RAP1B: variants seen among roughly 807,000 people sequenced by gnomAD.
The protein encoded by RAP1B is ras-related protein Rap-1b.
Under a neutral mutation model 27.5 loss-of-function variants are expected in RAP1B, and 1 was observed. That is an observed-to-expected ratio of 0.04 (90% CI 0.01 to 0.17). The LOEUF is 0.17. Ranked by LOEUF, RAP1B falls within the 10% of genes least tolerant of loss-of-function variation. The probability of loss-of-function intolerance (pLI) is 1.00; values close to 1 mark genes in which losing one functional copy is unlikely to be tolerated. For synonymous variants in RAP1B, 75 were observed against 73.1 expected (o/e 1.03, Z -0.13); for missense variants, 84 against 214.8 (o/e 0.39, Z 3.81).
At chr12:68,632,702 T>A (rs1872353730) in intron 1 of RAP1B, among the ~76,000 whole-genome samples, 1 of 152,086 alleles carries the variant, frequency 6.6e-6, no homozygotes, top group Non-Finnish European at 1.5e-5. Flanking sequence ...ATGGTGGCAG[T>A]GGTTTGACCA....
In RAP1B at chr12:68,666,690, G is replaced by A. The variant is rs1874868715; in HGVS notation, c.*7441G>A. 6.6e-6 allele frequency: 1 copy of A among 152,218 alleles called. No homozygotes were observed. The allele number at this position is 152,218 out of a possible 1,614,324, so 9.4% of individuals were successfully genotyped here. On this transcript the variant is annotated 3_prime_UTR_variant, in exon 8 of 8. Coordinates refer to ENST00000250559, the MANE Select transcript of RAP1B (RefSeq NM_001010942.3). ...TTTCAAATAAAGTTAACAGACAGAAGTTTGGGGGTTGGGATGTGGACATGC... is the reference window on the plus strand; with the variant it reads ...TTTCAAATAAAGTTAACAGACAGAAATTTGGGGGTTGGGATGTGGACATGC...
In RAP1B at chr12:68,657,138, C is replaced by T; in HGVS notation, c.506C>T (p.Thr169Ile). 1 of 1,613,826 alleles carries T rather than the reference C, an allele frequency of 6.2e-7. No individual in the cohort carries two copies. Among genetic ancestry groups the T allele is most frequent in the South Asian group, 1.1e-5 (1 of 91,050 alleles). ...YDLVRQINRK[T>I]PVPGKARKKS... ...CTAGTGCGGCAAATTAACAGAAAAA[C>T]TCCAGTGCCTGGGAAGGCTCGCAAA... The change falls in exon 7 of 8, where the codon ACT (threonine) becomes ATT (isoleucine). Residue 169 changes from threonine to isoleucine, a missense_variant. Thr to Ile is a moderately conservative substitution (Grantham distance 89). Transcript: ENST00000250559.
intron 1 of RAP1B, among the ~76,000 whole-genome samples, chr12:68,621,794 C>T (rs1478718796): frequency 1.3e-5 from 2 of 152,302 alleles, no homozygotes; most frequent in Admixed American, 6.5e-5. Flanking sequence ...GATAAACTGG[C>T]ATTATATTTG....
intron 1 of RAP1B, among the ~76,000 whole-genome samples, chr12:68,618,965 G>A (rs937007543): frequency 5.9e-5 from 9 of 152,004 alleles, no homozygotes; most frequent in Non-Finnish European, 1.2e-4. Context: ...AAAAAAGTTA[G>A]TGTGGTCATG....
chr12:68,624,668 T>C (rs1350298047), intron 1 of RAP1B: 2 of 152,148 alleles, frequency 1.3e-5, no homozygotes, highest in African/African-American at 4.8e-5. Flanking sequence ...ATATGAAAAT[T>C]AGCCAGGCAT....
intron 6 of RAP1B, 86 bp from the exon 7 acceptor site, chr12:68,657,015 G>C: frequency 1.8e-6 from 2 of 1,113,852 alleles, no homozygotes; most frequent in Non-Finnish European, 2.7e-6. Context: ...TATATCCATG[G>C]AAATTTCTGT....
chr12:68,625,493 T>C (rs1241772006), intron 1 of RAP1B, among the ~76,000 whole-genome samples: 1 of 152,260 alleles, frequency 6.6e-6, no homozygotes, highest in Non-Finnish European at 1.5e-5. Flanking sequence ...TTAATTTTTC[T>C]CCTCTGAACT....
chr12:68,620,268 CTGTGGAATGCAA>C (rs1871302285), intron 1 of RAP1B, among the ~76,000 whole-genome samples: 1 of 151,396 alleles, frequency 6.6e-6, no homozygotes, highest in Non-Finnish European at 1.5e-5. Flanking sequence ...CCAGGATGGA[CTGTGGAATGCAA>C]TGGTGCAATC....
chr12:68,639,843 A>AT (rs749778636), intron 1 of RAP1B, among the ~76,000 whole-genome samples: 2,660 of 141,656 alleles, frequency 0.019, 30 homozygotes, highest in South Asian at 0.024. Context: ...CCCACCAAAG[A>AT]TTTTTTTTTT....
At chr12:68,650,530 T>C in intron 3 of RAP1B, 62 bp downstream of exon 3, 2 of 1,257,104 alleles carry the variant, frequency 1.6e-6, no homozygotes, top group South Asian at 1.7e-5. Context: ...ATTTTAGCTT[T>C]ATAATTATTG....
chr12:68,632,140 T>G (rs71452394), intron 1 of RAP1B, among the ~76,000 whole-genome samples: 8,783 of 133,322 alleles, frequency 0.066, 360 homozygotes, highest in African/African-American at 0.085. Context: ...TTTTTTTTTT[T>G]TTTTTGTTTG....
chr12:68,653,978 C>T, intron 4 of RAP1B, 134 bp from the exon 5 acceptor site: 2 of 788,142 alleles, frequency 2.5e-6, no homozygotes, highest in Non-Finnish European at 2.0e-6. Context: ...AGTATCTTGT[C>T]ATAGATTATA....
At chr12:68,628,430 T>C (rs1871981573) in intron 1 of RAP1B, among the ~76,000 whole-genome samples, 4 of 152,234 alleles carry the variant, frequency 2.6e-5, no homozygotes, top group Non-Finnish European at 1.5e-5. Context: ...TTTTCCACAG[T>C]AATTTTGTAA....
intron 1 of RAP1B, among the ~76,000 whole-genome samples, chr12:68,634,443 G>C (rs541801028): frequency 1.3e-5 from 2 of 152,112 alleles, no homozygotes; most frequent in Non-Finnish European, 2.9e-5. Flanking sequence ...AGATTTTACT[G>C]CTAGTTCAGA....
intron 1 of RAP1B, among the ~76,000 whole-genome samples, chr12:68,644,129 G>A (rs1170566768): frequency 6.6e-6 from 1 of 152,110 alleles, no homozygotes; most frequent in Non-Finnish European, 1.5e-5. Context: ...CAATATTACA[G>A]GATTTTTGTT....
chr12:68,649,571 A>G (rs1331480425), intron 2 of RAP1B: 1 of 152,232 alleles, frequency 6.6e-6, no homozygotes, highest in Non-Finnish European at 1.5e-5. Context: ...TTCAGAGCTT[A>G]GCAAAGCCTC....
chr12:68,641,611 A>G (rs950160536), intron 1 of RAP1B, among the ~76,000 whole-genome samples: 8 of 152,198 alleles, frequency 5.3e-5, no homozygotes, highest in African/African-American at 1.9e-4. Context: ...ACTTTCATCA[A>G]TCAGGTTAGT....
intron 2 of RAP1B, 115 bp from the exon 3 acceptor site, chr12:68,650,285 G>GTT: frequency 8.6e-5 from 78 of 906,608 alleles, no homozygotes; most frequent in South Asian, 1.8e-4. Flanking sequence ...ATTGGCTGTG[G>GTT]TTTTTTTTTT....
intron 1 of RAP1B, among the ~76,000 whole-genome samples, chr12:68,637,264 G>A (rs1419524836): frequency 6.6e-6 from 1 of 151,894 alleles, no homozygotes; most frequent in Non-Finnish European, 1.5e-5. Context: ...CCATCAACTC[G>A]GTACAGTCAG....
Sources: gnomAD v4.1 joint callset for allele counts (sites outside exome capture counted in the v4.1 genomes callset) on GRCh38, gnomAD v4.1.1 for gene constraint, MANE v1.5 for transcripts, NCBI Gene and HGNC (gene_info 2026-07-23, HGNC 2026-07-21) for gene names.